The following DPP6 variants were observed in gnomAD, a reference collection of about 807,000 sequenced individuals.
The protein encoded by DPP6 is dipeptidyl peptidase like 6, also known as A-type potassium channel modulatory protein DPP6.
DPP6 carries 69 observed loss-of-function variants against 122.6 expected under a neutral mutation model. The observed-to-expected ratio is 0.56, with a 90% confidence interval of 0.46 to 0.69. The LOEUF is 0.69. Among genes scored for constraint, DPP6 ranks in the 30% least tolerant of loss-of-function variants. The pLI, the probability that DPP6 is intolerant of heterozygous loss-of-function variation, is 0.00. For missense variants in DPP6, 928 were observed against 1,116.9 expected (o/e 0.83, Z 2.41); for synonymous variants, 418 against 433.1 (o/e 0.97, Z 0.43).
At chr7:154,433,127 A>G (rs1013313506) in intron 1 of DPP6, among the ~76,000 whole-genome samples, 1 of 142,822 alleles carries the variant, frequency 7.0e-6, no homozygotes, top group Non-Finnish European at 1.5e-5. Flanking sequence ...CTCTCATACT[A>G]GACTGCAAGT....
At chr7:154,030,524 A>AT (rs1799172562) in intron 1 of DPP6, among the ~76,000 whole-genome samples, 1 of 151,992 alleles carries the variant, frequency 6.6e-6, no homozygotes, top group African/African-American at 2.4e-5. Context: ...CTCCTGCATC[A>AT]TAACGGTGCT....
intron 25 of DPP6, among the ~76,000 whole-genome samples, 181 bp from the exon 26 acceptor site, chr7:154,892,153 A>G (rs1275550501): frequency 6.6e-6 from 1 of 152,194 alleles, no homozygotes; most frequent in Non-Finnish European, 1.5e-5. Flanking sequence ...ACAGCCAGGC[A>G]GATCTCCCAG....
At chr7:154,117,719 T>G in intron 1 of DPP6, among the ~76,000 whole-genome samples, 1 of 151,976 alleles carries the variant, frequency 6.6e-6, no homozygotes, top group East Asian at 1.9e-4. Flanking sequence ...GTAAATTAAC[T>G]GATCATTTGC....
chr7:154,508,696 CAG>C (rs1438324990), intron 3 of DPP6, among the ~76,000 whole-genome samples: 1 of 152,100 alleles, frequency 6.6e-6, no homozygotes, highest in African/African-American at 2.4e-5. Context: ...CAACTAACCT[CAG>C]AGGAATTTGG....
intron 11 of DPP6, 55 bp from the exon 12 acceptor site, chr7:154,795,790 A>C: frequency 3.3e-6 from 5 of 1,520,368 alleles, no homozygotes; most frequent in Non-Finnish European, 4.4e-6. Context: ...CATGCAAAAA[A>C]AAAAAAGAAA....
Position 154,755,819 on chromosome 7 carries a change from G to A in DPP6, c.884-13598G>A, listed in dbSNP as rs1400789305. Among the ~76,000 whole-genome samples the A allele has an allele frequency of 6.6e-6, 1 of 152,212 alleles. No individual in the cohort carries two copies. The highest frequency in any genetic ancestry group is 6.5e-5 in the Admixed American group (1 of 15,290). On this transcript the variant is annotated intron_variant, in intron 8 of 25. Coordinates refer to ENST00000377770, the MANE Select transcript of DPP6 (RefSeq NM_130797.4). The surrounding 1 kb of genome is among the most constrained non-coding windows in gnomAD (Gnocchi z 4.7). ...GTTGGAAGAGGTCGGAGTGGGGCGC[G>A]TCCCAGGTCGGGAATGTTAGGACAA...
intron 10 of DPP6, among the ~76,000 whole-genome samples, chr7:154,779,461 G>A (rs1235120070): frequency 2.0e-5 from 3 of 152,070 alleles, no homozygotes; most frequent in Non-Finnish European, 2.9e-5. Flanking sequence ...CATTTACAAT[G>A]TCAATAACCT....
At chr7:154,677,679 G>C (rs572271220) in intron 7 of DPP6, among the ~76,000 whole-genome samples, 13 of 152,230 alleles carry the variant, frequency 8.5e-5, no homozygotes, top group Non-Finnish European at 1.8e-4. Context: ...AGAACCATCA[G>C]ATTTCAGTGT....
chr7:154,166,335 C>T (rs1797246134), intron 1 of DPP6, among the ~76,000 whole-genome samples: 1 of 152,108 alleles, frequency 6.6e-6, no homozygotes, highest in South Asian at 2.1e-4. Context: ...GGAGGGGCCA[C>T]CCCTGCATCT....
chr7:154,886,821 C>T (rs1806189682), intron 22 of DPP6, among the ~76,000 whole-genome samples: 1 of 152,180 alleles, frequency 6.6e-6, no homozygotes. Context: ...CACGGTGGGC[C>T]CAGCAGCCTC....
intron 1 of DPP6, among the ~76,000 whole-genome samples, chr7:154,392,206 G>T (rs1475562644): frequency 6.6e-6 from 1 of 152,128 alleles, no homozygotes; most frequent in Non-Finnish European, 1.5e-5. Context: ...CTGGGAGGCG[G>T]AGGTTGCAGT....
chr7:154,395,436 G>A (rs1814996390), intron 1 of DPP6, among the ~76,000 whole-genome samples: 1 of 152,160 alleles, frequency 6.6e-6, no homozygotes, highest in East Asian at 1.9e-4. Context: ...TTTCAGCAAG[G>A]CTTTGTAGTT....
intron 8 of DPP6, among the ~76,000 whole-genome samples, chr7:154,757,032 G>A (rs979165684): frequency 3.4e-5 from 5 of 148,736 alleles, no homozygotes; most frequent in African/African-American, 1.0e-4. Flanking sequence ...CATCTTTCAC[G>A]GCCCCTGAGG....
At chr7:154,516,446 C>A (rs975261931) in intron 3 of DPP6, among the ~76,000 whole-genome samples, 1 of 152,154 alleles carries the variant, frequency 6.6e-6, no homozygotes, top group Non-Finnish European at 1.5e-5. Flanking sequence ...TGCAGTCTCC[C>A]AGGAGAAATT....
At chr7:154,538,217 C>T (rs115501127) in intron 3 of DPP6, among the ~76,000 whole-genome samples, 1,985 of 152,128 alleles carry the variant, frequency 0.013, 51 homozygotes, top group African/African-American at 0.045. Flanking sequence ...AAATGTAGTA[C>T]GGCATAATCT....
chr7:154,410,337 T>C (rs747099165), intron 1 of DPP6, among the ~76,000 whole-genome samples: 1 of 152,230 alleles, frequency 6.6e-6, no homozygotes, highest in Non-Finnish European at 1.5e-5. Context: ...TAAAAAGGTT[T>C]ACAGAATTTT....
chr7:154,647,803 C>T (rs1293093168), intron 6 of DPP6, among the ~76,000 whole-genome samples: 1 of 152,118 alleles, frequency 6.6e-6, no homozygotes, highest in Non-Finnish European at 1.5e-5. Context: ...CGTGTTGAAC[C>T]AGCCATTAAT....
the DPP6 span, among the ~76,000 whole-genome samples, chr7:153,854,256 G>A: frequency 6.6e-6 from 1 of 151,980 alleles, no homozygotes; most frequent in African/African-American, 2.4e-5. Flanking sequence ...TAGCCTTGTA[G>A]TATAGTTTGA....
chr7:154,669,997 T>C (rs1327732920), intron 7 of DPP6, among the ~76,000 whole-genome samples: 2 of 152,136 alleles, frequency 1.3e-5, no homozygotes, highest in African/African-American at 4.8e-5. Context: ...GTAGCTGGGA[T>C]CACAGGCGTA....
Sources: gnomAD v4.1 joint callset for allele counts (sites outside exome capture counted in the v4.1 genomes callset) on GRCh38, gnomAD v4.1.1 for gene constraint, Gnocchi (gnomAD v3.1) non-coding constraint, MANE v1.5 for transcripts, NCBI Gene and HGNC (gene_info 2026-07-23, HGNC 2026-07-21) for gene names.